Variants in NT5DC3 observed in about 807,000 individuals in gnomAD.
The protein encoded by NT5DC3 is 5'-nucleotidase domain-containing protein 3.
A neutral mutation model predicts 67.8 loss-of-function variants in NT5DC3; 42 were observed. That is an observed-to-expected ratio of 0.62 (90% confidence interval 0.48 to 0.80). NT5DC3 has a LOEUF of 0.80. Ranked by LOEUF, NT5DC3 falls within the 30% of genes least tolerant of loss-of-function variation. The pLI, the probability that NT5DC3 is intolerant of heterozygous loss-of-function variation, is 0.00. For synonymous variants in NT5DC3, 237 were observed against 255.6 expected (o/e 0.93, Z 0.69); for missense variants, 570 against 696.4 (o/e 0.82, Z 2.04).
intron 6 of NT5DC3, among the ~76,000 whole-genome samples, chr12:103,796,011 T>C (rs1248379519): frequency 1.3e-5 from 2 of 152,246 alleles, no homozygotes; most frequent in Admixed American, 6.5e-5. Flanking sequence ...CAAGATCCTA[T>C]GGGCAACAGT....
chr12:103,806,741 TC>T, intron 3 of NT5DC3, 113 bp downstream of exon 3: 1 of 684,512 alleles, frequency 1.5e-6, no homozygotes, highest in South Asian at 1.8e-5. Flanking sequence ...GGTTCTGCAG[TC>T]CCAAATAACA....
At chr12:103,752,399 G>A in the NT5DC3 span, among the ~76,000 whole-genome samples, 4 of 152,138 alleles carry the variant, frequency 2.6e-5, no homozygotes, top group East Asian at 7.7e-4. Context: ...GAAAAACTTA[G>A]TCTTCTTTGG....
At chr12:103,747,492 C>G in the NT5DC3 span, among the ~76,000 whole-genome samples, 3 of 152,138 alleles carry the variant, frequency 2.0e-5, no homozygotes, top group African/African-American at 7.2e-5. Flanking sequence ...ATACCATAAG[C>G]CCAGCCTGGA....
chr12:103,830,632 C>A (rs1328686438), intron 1 of NT5DC3, among the ~76,000 whole-genome samples: 1 of 152,134 alleles, frequency 6.6e-6, no homozygotes. Flanking sequence ...CTTTTTTCTT[C>A]TTTTTCTAAT....
At chr12:103,837,072 C>T (rs1299035688) in intron 1 of NT5DC3, among the ~76,000 whole-genome samples, 3 of 152,230 alleles carry the variant, frequency 2.0e-5, no homozygotes, top group Non-Finnish European at 4.4e-5. Flanking sequence ...TTCCATACAT[C>T]TTCTGAAATC....
chr12:103,818,110 A>T (rs1593426816), intron 1 of NT5DC3, among the ~76,000 whole-genome samples: 1 of 152,298 alleles, frequency 6.6e-6, no homozygotes, highest in East Asian at 1.9e-4. Context: ...TTTGCAGAAA[A>T]TTTCATGGGA....
chr12:103,746,704 G>T, the NT5DC3 span: 1 of 1,613,472 alleles, frequency 6.2e-7, no homozygotes, highest in Non-Finnish European at 8.5e-7. Context: ...CACATGCACA[G>T]GTAAGCCACC....
chr12:103,746,802 G>C, the NT5DC3 span: 8 of 1,207,202 alleles, frequency 6.6e-6, no homozygotes, highest in Non-Finnish European at 9.8e-6. Context: ...CCTCCTTCCT[G>C]TCTGGGCCAC....
At chr12:103,748,905 T>C in the NT5DC3 span, 1 of 1,561,046 alleles carries the variant, frequency 6.4e-7, no homozygotes, top group South Asian at 1.2e-5. Context: ...TACCCTGACC[T>C]GAAGCCCTAG....
the NT5DC3 span, chr12:103,755,869 C>T: frequency 4.4e-6 from 3 of 686,656 alleles, no homozygotes; most frequent in South Asian, 1.8e-5. Flanking sequence ...CCTAGTTTTG[C>T]CACTCACTTG....
Position 103,841,209 on chromosome 12 carries a change from C to A in NT5DC3, c.-53G>T. On this transcript the variant is annotated 5_prime_UTR_variant, in exon 1 of 14. Coordinates refer to ENST00000392876, the MANE Select transcript of NT5DC3 (RefSeq NM_001031701.3). ...CCGCGCCGCTCTGCGACTGCTGCTG[C>A]CCGGCCCAAGATCTACCCGCGCTCT... is the stretch of plus-strand genomic sequence containing the variant. 1 of 558,150 alleles carries A rather than the reference C, an allele frequency of 1.8e-6. No homozygotes were observed. The highest frequency in any genetic ancestry group is 3.1e-6 in the Non-Finnish European group (1 of 321,230). The allele number at this position is 558,150 out of a possible 1,614,324, so 34.6% of individuals were successfully genotyped here.
the NT5DC3 span, chr12:103,746,525 G>C: frequency 6.9e-7 from 1 of 1,446,456 alleles, no homozygotes; most frequent in Non-Finnish European, 9.7e-7. Flanking sequence ...GAGAGTCTTG[G>C]AAAGTCTCCT....
At chr12:103,786,518 A>G (rs751466507) in intron 11 of NT5DC3, among the ~76,000 whole-genome samples, 4 of 85,212 alleles carry the variant, frequency 4.7e-5, no homozygotes, top group Non-Finnish European at 8.8e-5. Flanking sequence ...ATAGGAACTC[A>G]GGCTTTTACT....
chr12:103,804,201 A>G (rs975044245), intron 4 of NT5DC3, among the ~76,000 whole-genome samples: 3 of 152,240 alleles, frequency 2.0e-5, no homozygotes, highest in Non-Finnish European at 2.9e-5. Flanking sequence ...AAACACTATT[A>G]AAGTGACAGT....
intron 4 of NT5DC3, among the ~76,000 whole-genome samples, chr12:103,799,762 C>T (rs1291452541): frequency 6.9e-6 from 1 of 145,488 alleles, no homozygotes; most frequent in Non-Finnish European, 1.5e-5. Flanking sequence ...TACCATCTGC[C>T]TGCCTCTGGA....
rs1050730469 is a variant in NT5DC3 at position 103,777,484 on chromosome 12, G to A, written c.*345C>T. 2.2e-4 allele frequency: 59 copies of A among 271,956 alleles called. 1 individual carries two copies. Among genetic ancestry groups the A allele is most frequent in the African/African-American group, 1.2e-3 (55 of 46,060 alleles). The allele number at this position is 271,956 out of a possible 1,614,324, so 16.8% of individuals were successfully genotyped here. On this transcript the variant is annotated 3_prime_UTR_variant, in exon 14 of 14. Coordinates refer to ENST00000392876, the MANE Select transcript of NT5DC3 (RefSeq NM_001031701.3). ...TGTTCAGGAAATGTTCCATGGAGGA[G>A]TCAAGAACCGTTTCAAGCTTGACCT...
the NT5DC3 span, chr12:103,761,507 T>C: frequency 1.8e-6 from 2 of 1,111,850 alleles, no homozygotes; most frequent in South Asian, 2.7e-5. Context: ...CTCCTCCCTC[T>C]TCCTCCAGAG....
chr12:103,749,872 A>AAAAAAAAAAAG, the NT5DC3 span, among the ~76,000 whole-genome samples: 1 of 131,480 alleles, frequency 7.6e-6, no homozygotes. Flanking sequence ...AAAAAAAAAA[A>AAAAAAAAAAAG]GCTGGTAAGA....
intron 12 of NT5DC3, among the ~76,000 whole-genome samples, chr12:103,780,908 T>C (rs555152360): frequency 6.6e-6 from 1 of 152,342 alleles, no homozygotes; most frequent in Non-Finnish European, 1.5e-5. Context: ...TGTTTTAATT[T>C]GTACAGGGGT....
Sources: gnomAD v4.1 joint callset for allele counts (sites outside exome capture counted in the v4.1 genomes callset) on GRCh38, gnomAD v4.1.1 for gene constraint, MANE v1.5 for transcripts, NCBI Gene and HGNC (gene_info 2026-07-23, HGNC 2026-07-21) for gene names.